Variants in CCM2 observed in about 807,000 individuals in gnomAD.
The protein encoded by CCM2 is cerebral cavernous malformations 2 protein.
Under a neutral mutation model 44.9 loss-of-function variants are expected in CCM2, and 25 were observed. The observed-to-expected ratio is 0.56, with a 90% CI of 0.41 to 0.78. The LOEUF (loss-of-function observed/expected upper bound fraction) is 0.78. CCM2 is among the 30% of genes least tolerant of loss of function. The pLI, the probability that CCM2 is intolerant of heterozygous loss-of-function variation, is 0.00. For missense variants in CCM2, 481 were observed against 580.6 expected (o/e 0.83, Z 1.76); for synonymous variants, 219 against 241.1 (o/e 0.91, Z 0.85).
chr7:45,014,425 C>G (rs1050931103), intron 1 of CCM2, among the ~76,000 whole-genome samples: 2 of 151,906 alleles, frequency 1.3e-5, no homozygotes, highest in African/African-American at 4.8e-5. Context: ...AGGCATGAAC[C>G]ACCGCGCCCG....
At chr7:45,056,144 A>G (rs1194842076) in intron 2 of CCM2, among the ~76,000 whole-genome samples, 2 of 151,160 alleles carry the variant, frequency 1.3e-5, no homozygotes, top group Non-Finnish European at 3.0e-5. Flanking sequence ...TGCTATGAAC[A>G]TGGGTGTACA....
chr7:45,019,706 C>T (rs1409848907), intron 1 of CCM2, among the ~76,000 whole-genome samples: 1 of 152,048 alleles, frequency 6.6e-6, no homozygotes, highest in African/African-American at 2.4e-5. Flanking sequence ...CCTTAGCCTC[C>T]CAAGTAGGTA....
At chr7:45,058,296 C>T (rs1047313011) in intron 2 of CCM2, among the ~76,000 whole-genome samples, 3 of 152,014 alleles carry the variant, frequency 2.0e-5, no homozygotes, top group African/African-American at 7.3e-5. Context: ...TAACTTTTTG[C>T]CATTAAGTAT....
chr7:45,038,239 G>A lies in CCM2; in HGVS notation c.31-14G>A, dbSNP rs773900256. The A allele has an allele frequency of 1.5e-5, 25 of 1,613,556 alleles. No individual in the cohort carries two copies. The highest frequency in any genetic ancestry group is 9.3e-5 in the African/African-American group (7 of 74,914). On this transcript the variant is annotated splice_polypyrimidine_tract_variant and intron_variant, in intron 1 of 9. Transcript: ENST00000258781. ...TAAATAATGAACTCCAATCATTGCC[G>A]TTTCTGCCTGCAGCCTGGAATTGTC...
rs768545818 is a variant in CCM2, at chr7:45,076,028, G to C, written c.1306G>C (p.Gly436Arg). 1 of 1,612,926 alleles carries C rather than the reference G, an allele frequency of 6.2e-7. No individual in the cohort carries two copies. The highest frequency in any genetic ancestry group is 1.7e-5 in the Admixed American group (1 of 60,002). Residue 436 changes from glycine to arginine, a missense_variant, in exon 10 of 10, where the codon GGC (glycine) becomes CGC (arginine). Physicochemically the swap from Gly to Arg is moderately radical, Grantham distance 125. Coordinates refer to ENST00000258781, the MANE Select transcript of CCM2 (RefSeq NM_031443.4). The stretch of plus-strand genomic sequence containing the variant: ...CATCAGCAGCGACATTGAGGCGCTG[G>C]GCTGCAGCATGGACCAGGACTCAGC... ...SDISSDIEAL[G>R]CSMDQDSA
At chr7:45,004,311 A>G (rs1324800140) in intron 1 of CCM2, among the ~76,000 whole-genome samples, 1 of 152,242 alleles carries the variant, frequency 6.6e-6, no homozygotes, top group Admixed American at 6.5e-5. Flanking sequence ...AGATATTTGT[A>G]GGTGAAATAA....
intron 1 of CCM2, among the ~76,000 whole-genome samples, chr7:45,016,825 G>T (rs1415210176): frequency 1.3e-5 from 2 of 152,144 alleles, no homozygotes; most frequent in African/African-American, 2.4e-5. Context: ...TAGAGACAGG[G>T]TTTCACCATG....
In CCM2 at chr7:45,069,710, T is replaced by C. The variant is rs1798960039; in HGVS notation, c.610-116T>C. 3.0e-6 allele frequency: 4 copies of C among 1,320,624 alleles called. No individual in the cohort carries two copies. In the South Asian group the frequency reaches 3.6e-5, roughly 12 times the overall value. 81.8% of individuals were successfully genotyped at this position (1,320,624 alleles called of 1,614,324 possible). ...AAAGGCAGAGGGACACATTCTGGTA[T>C]CCACTCTTCATTCATGTTTATTGAG... On this transcript the variant is annotated intron_variant, in intron 5 of 9. Transcript: ENST00000258781.
chr7:45,042,506 GACA>G (rs1362976778), intron 2 of CCM2, among the ~76,000 whole-genome samples: 3 of 151,848 alleles, frequency 2.0e-5, no homozygotes, highest in African/African-American at 4.8e-5. Context: ...GAAAAGTAAA[GACA>G]ACAACAACAA....
At chr7:45,074,430 G>C (rs1225337695) in intron 9 of CCM2, 22 bp downstream of exon 9, 1 of 1,606,076 alleles carries the variant, frequency 6.2e-7, no homozygotes, top group African/African-American at 1.3e-5. Flanking sequence ...CTGGAAAGAG[G>C]GTGGCTTGTC....
intron 2 of CCM2, among the ~76,000 whole-genome samples, chr7:45,042,094 T>G (rs1290370412): frequency 6.6e-6 from 1 of 151,956 alleles, no homozygotes; most frequent in Non-Finnish European, 1.5e-5. Context: ...ACCAACATGG[T>G]GAAACCCCAT....
intron 4 of CCM2, chr7:45,068,180 G>A (rs1798876206): frequency 1.3e-5 from 7 of 545,422 alleles, no homozygotes; most frequent in Admixed American, 5.8e-5. Flanking sequence ...TATGTGGTCT[G>A]TTGTATATGA....
chr7:45,043,504 G>A (rs1330630252), intron 2 of CCM2, among the ~76,000 whole-genome samples: 1 of 151,986 alleles, frequency 6.6e-6, no homozygotes, highest in Non-Finnish European at 1.5e-5. Context: ...TGCAAGGCTG[G>A]TTTGATACTT....
chr7:45,073,165 C>T lies in CCM2; in HGVS notation c.804-295C>T, dbSNP rs1583991865. 5.6e-5 allele frequency: 32 copies of T among 575,098 alleles called. No individual in the cohort carries two copies. The East Asian group carries it at 9.4e-4, about 17-fold the overall frequency. 35.6% of individuals were successfully genotyped at this position (575,098 alleles called of 1,614,324 possible). ...CTCGCGCTCTCCATTCCTGCCACCT[C>T]CCCAACCCTGGCTCCTTCCCCTGCC... is the stretch of plus-strand genomic sequence containing the variant. On this transcript the variant is annotated intron_variant, in intron 7 of 9. Coordinates refer to ENST00000258781, the MANE Select transcript of CCM2 (RefSeq NM_031443.4).
intron 2 of CCM2, among the ~76,000 whole-genome samples, chr7:45,040,914 C>T (rs369488976): frequency 3.3e-5 from 5 of 152,274 alleles, no homozygotes; most frequent in African/African-American, 7.2e-5. Context: ...AGCTTGAACC[C>T]GGGAGGCGGA....
At chr7:45,052,590 TC>T (rs1401496957) in intron 2 of CCM2, among the ~76,000 whole-genome samples, 5 of 152,208 alleles carry the variant, frequency 3.3e-5, no homozygotes, top group Non-Finnish European at 5.9e-5. Context: ...CATCAGTAGT[TC>T]CTGATTGGTT....
intron 2 of CCM2, among the ~76,000 whole-genome samples, chr7:45,057,511 T>C (rs1798321455): frequency 6.6e-6 from 1 of 152,204 alleles, no homozygotes; most frequent in Non-Finnish European, 1.5e-5. Flanking sequence ...TATATCACGC[T>C]CTTTCCATGA....
chr7:45,025,070 A>G (rs1796630294), intron 1 of CCM2, among the ~76,000 whole-genome samples: 1 of 152,174 alleles, frequency 6.6e-6, no homozygotes, highest in Non-Finnish European at 1.5e-5. Flanking sequence ...ATGTTCTAAG[A>G]CAGGGTTGGC....
chr7:45,065,181 C>T (rs1798714681), intron 4 of CCM2, among the ~76,000 whole-genome samples: 1 of 130,334 alleles, frequency 7.7e-6, no homozygotes, highest in Non-Finnish European at 1.6e-5. Context: ...CAGAATTGGG[C>T]AGAATGTTAT....
Sources: allele counts gnomAD v4.1 joint callset (sites outside exome capture counted in the v4.1 genomes callset), GRCh38; gene constraint gnomAD v4.1.1; transcripts MANE v1.5; gene names NCBI Gene and HGNC (gene_info 2026-07-23, HGNC 2026-07-21).